The following PCDHGB2 variants were observed in gnomAD, a reference collection of about 807,000 sequenced individuals.
The protein encoded by PCDHGB2 is protocadherin gamma-B2.
PCDHGB2 carries 55 observed loss-of-function variants against 59.3 expected under a neutral mutation model. That is an observed-to-expected ratio of 0.93 (90% CI 0.75 to 1.16). PCDHGB2 has a LOEUF of 1.16. Among genes scored for constraint, PCDHGB2 ranks in the 50% most tolerant of loss-of-function variants. The pLI is 0.00. For missense variants in PCDHGB2, 1,228 were observed against 1,198.5 expected (o/e 1.02, Z -0.36); for synonymous variants, 516 against 512.0 (o/e 1.01, Z -0.11).
Position 141,487,591 on chromosome 5 carries a change from C to G in PCDHGB2, c.2422-7216C>G, listed in dbSNP as rs2099653282. The G allele has an allele frequency of 1.2e-6, 2 of 1,614,176 alleles. No individual in the cohort carries two copies. The highest frequency in any genetic ancestry group is 1.7e-6 in the Non-Finnish European group (2 of 1,180,036). ...AGCCTGTTCGCCCAAGCTGCCCACC[C>G]TCTGATCTTCTCTATGGGCTAGAGG... is the stretch of plus-strand genomic sequence containing the variant. On this transcript the variant is annotated intron_variant, in intron 1 of 3. Coordinates refer to ENST00000522605, the MANE Select transcript of PCDHGB2 (RefSeq NM_018923.3). The surrounding 1 kb of genome is among the most constrained non-coding windows in gnomAD (Gnocchi z 5.0).
chr5:141,394,493 C>T (rs749651115), intron 1 of PCDHGB2: 2 of 1,614,222 alleles, frequency 1.2e-6, no homozygotes, highest in Non-Finnish European at 1.7e-6. Flanking sequence ...ACAACGCGCC[C>T]GAGATCCTGT....
chr5:141,405,108 G>A, intron 1 of PCDHGB2: 1 of 1,613,960 alleles, frequency 6.2e-7, no homozygotes, highest in Non-Finnish European at 8.5e-7. Flanking sequence ...CTGAGGCACT[G>A]GCACTCCTCG....
chr5:141,434,106 T>C (rs1195019110), intron 1 of PCDHGB2, among the ~76,000 whole-genome samples: 1 of 152,236 alleles, frequency 6.6e-6, no homozygotes, highest in Non-Finnish European at 1.5e-5. Context: ...TGTCCCAGGA[T>C]TGGCCTTTGG....
At chr5:141,437,741 CTT>C (rs35124340) in intron 1 of PCDHGB2, among the ~76,000 whole-genome samples, 17 of 141,612 alleles carry the variant, frequency 1.2e-4, no homozygotes, top group Admixed American at 2.1e-4. Flanking sequence ...TTGAGTTCAC[CTT>C]TTTTTTTTTT....
At chr5:141,480,511 A>G (rs2099520888) in intron 1 of PCDHGB2, among the ~76,000 whole-genome samples, 1 of 127,378 alleles carries the variant, frequency 7.9e-6, no homozygotes, top group African/African-American at 3.6e-5. Context: ...ATATGAGAAC[A>G]ACCAAAAATG....
intron 1 of PCDHGB2, chr5:141,378,543 A>G (rs1328752937): frequency 6.6e-6 from 1 of 152,122 alleles, no homozygotes; most frequent in East Asian, 1.9e-4. Context: ...AATGATAATT[A>G]ATAAATAAAG....
chr5:141,410,018 T>C (rs773806211), intron 1 of PCDHGB2: 1 of 1,613,166 alleles, frequency 6.2e-7, no homozygotes, highest in African/African-American at 1.3e-5. Context: ...CTGGCTGTCC[T>C]ACCACGTGCT....
intron 1 of PCDHGB2, among the ~76,000 whole-genome samples, chr5:141,470,068 G>A (rs1269966360): frequency 6.6e-6 from 1 of 152,240 alleles, no homozygotes; most frequent in East Asian, 1.9e-4. Flanking sequence ...GGCAGAGACT[G>A]TAGTGATCTG....
At chr5:141,403,219 G>A in intron 1 of PCDHGB2, 1 of 1,613,980 alleles carries the variant, frequency 6.2e-7, no homozygotes, top group South Asian at 1.1e-5. Flanking sequence ...CCGCGGGTAG[G>A]ATAGACCGGG....
intron 1 of PCDHGB2, chr5:141,395,102 G>C: frequency 6.2e-7 from 1 of 1,614,172 alleles, no homozygotes; most frequent in Non-Finnish European, 8.5e-7. Flanking sequence ...CCGCCGACTC[G>C]CGGAAGAGTC....
At chr5:141,369,492 C>T (rs1183800613) in intron 1 of PCDHGB2, among the ~76,000 whole-genome samples, 1 of 151,590 alleles carries the variant, frequency 6.6e-6, no homozygotes, top group Non-Finnish European at 1.5e-5. Context: ...CATAGTGAAA[C>T]CCCACCTCTA....
At chr5:141,470,628 G>T (rs1475199767) in intron 1 of PCDHGB2, among the ~76,000 whole-genome samples, 12 of 152,146 alleles carry the variant, frequency 7.9e-5, no homozygotes, top group Admixed American at 7.9e-4. Flanking sequence ...GCTTAGATAG[G>T]CCCCCTTGCT....
chr5:141,422,898 C>T (rs2096684110), intron 1 of PCDHGB2: 2 of 1,614,250 alleles, frequency 1.2e-6, no homozygotes, highest in Middle Eastern at 1.6e-4. Flanking sequence ...TGGACCAGAA[C>T]GACAATGCGC....
intron 1 of PCDHGB2, among the ~76,000 whole-genome samples, chr5:141,483,164 T>C (rs1051456583): frequency 1.1e-4 from 17 of 152,148 alleles, no homozygotes; most frequent in Non-Finnish European, 2.5e-4. Context: ...AGATCCTGAG[T>C]TACCTTTGGG....
intron 1 of PCDHGB2, chr5:141,414,713 C>T: frequency 6.2e-7 from 1 of 1,614,126 alleles, no homozygotes; most frequent in Admixed American, 1.7e-5. Context: ...TCCATCAACT[C>T]AGACACTGGC....
chr5:141,474,993 C>A (rs1313232385), intron 1 of PCDHGB2, among the ~76,000 whole-genome samples: 24 of 152,324 alleles, frequency 1.6e-4, no homozygotes. Context: ...GACAACAATT[C>A]TAAATGCAGA....
Position 141,489,752 on chromosome 5 carries a change from C to G in PCDHGB2, c.2422-5055C>G. ...GGCACCAATACTGTGAGCTTTTACA[C>G]TCTAAGCCCCAACAGCCACTTCTCT... On this transcript the variant is annotated intron_variant, in intron 1 of 3. Coordinates refer to ENST00000522605, the MANE Select transcript of PCDHGB2 (RefSeq NM_018923.3). This position sits in a 1 kb window ranked among gnomAD's most constrained non-coding sequence, Gnocchi z 4.5. The G allele has an allele frequency of 6.2e-7, 1 of 1,614,136 alleles. No individual in the cohort carries two copies. The highest frequency in any genetic ancestry group is 8.5e-7 in the Non-Finnish European group (1 of 1,179,972).
chr5:141,477,571 C>T lies in PCDHGB2; in HGVS notation c.2422-17236C>T, dbSNP rs1470454976. The T allele has an allele frequency of 8.1e-6, 13 of 1,614,160 alleles. No individual in the cohort carries two copies. Among genetic ancestry groups the T allele is most frequent in the Middle Eastern group, 1.7e-4 (1 of 6,060 alleles). ...TAAACCTAAGTGTCTGGGACCCCGACGCCCCGCAGAATGCTCGGCTTTCTT... is the reference window on the plus strand; with the variant it reads ...TAAACCTAAGTGTCTGGGACCCCGATGCCCCGCAGAATGCTCGGCTTTCTT... On this transcript the variant is annotated intron_variant, in intron 1 of 3. Transcript: ENST00000522605. This position sits in a 1 kb window ranked among gnomAD's most constrained non-coding sequence, Gnocchi z 4.9.
chr5:141,376,351 G>C (rs1333788917), intron 1 of PCDHGB2: 31 of 1,614,060 alleles, frequency 1.9e-5, no homozygotes, highest in Non-Finnish European at 2.6e-5. Flanking sequence ...ATTCCCACGA[G>C]GTCTCACTCA....
Sources: allele counts gnomAD v4.1 joint callset (sites outside exome capture counted in the v4.1 genomes callset), GRCh38; gene constraint gnomAD v4.1.1; non-coding constraint Gnocchi (gnomAD v3.1); transcripts MANE v1.5; gene names NCBI Gene and HGNC (gene_info 2026-07-23, HGNC 2026-07-21).